Variants in CCDC171 observed in about 807,000 individuals in gnomAD.
CCDC171 encodes the protein coiled-coil domain containing 171.
A neutral mutation model predicts 168.2 loss-of-function variants in CCDC171; 177 were observed. That is an observed-to-expected ratio of 1.05 (90% CI 0.93 to 1.19). CCDC171 has a LOEUF of 1.19. Ranked by LOEUF, CCDC171 falls within the 50% of genes most tolerant of loss-of-function variation. CCDC171 has a pLI of 0.00. For missense variants in CCDC171, 1,991 were observed against 1,539.0 expected (o/e 1.29, Z -4.91); for synonymous variants, 687 against 540.8 (o/e 1.27, Z -3.75).
chr9:16,005,517 T>C (rs1401726790), intron 3 of CCDC171, among the ~76,000 whole-genome samples: 1 of 152,228 alleles, frequency 6.6e-6, no homozygotes, highest in Non-Finnish European at 1.5e-5. Flanking sequence ...TGACCCTTTG[T>C]ATCTGCAGGT....
chr9:15,907,076 A>G (rs1822774321), intron 24 of CCDC171, among the ~76,000 whole-genome samples: 1 of 152,204 alleles, frequency 6.6e-6, no homozygotes, highest in Admixed American at 6.5e-5. Context: ...AAATGGCCAT[A>G]CTTTCCAAGG....
chr9:16,073,405 G>T, the CCDC171 span, among the ~76,000 whole-genome samples: 3 of 152,166 alleles, frequency 2.0e-5, no homozygotes, highest in Non-Finnish European at 1.5e-5. Flanking sequence ...TTTGCTGAAA[G>T]TTCTTTTTAC....
chr9:15,703,624 A>C (rs971423585), intron 11 of CCDC171, among the ~76,000 whole-genome samples: 36 of 152,236 alleles, frequency 2.4e-4, no homozygotes, highest in Admixed American at 2.4e-3. Context: ...TTCAATGTGT[A>C]TATATCCCAC....
At chr9:16,038,886 C>T (rs931171326), upstream of CCDC171, among the ~76,000 whole-genome samples, 2 of 96,090 alleles carry the variant, frequency 2.1e-5, no homozygotes, top group African/African-American at 6.6e-5. Flanking sequence ...AAAAAAAAAG[C>T]TGAATATAGT....
chr9:15,846,887 A>C (rs1164328058), intron 22 of CCDC171, 40 bp downstream of exon 22: 9 of 1,553,374 alleles, frequency 5.8e-6, no homozygotes, highest in Non-Finnish European at 7.0e-6. Context: ...TAAAACAGAC[A>C]AAAGATCAAT....
chr9:15,767,025 A>C (rs907385440), intron 18 of CCDC171, among the ~76,000 whole-genome samples: 1 of 152,208 alleles, frequency 6.6e-6, no homozygotes, highest in Admixed American at 6.5e-5. Flanking sequence ...AATTTACAGC[A>C]TACCAGGAAT....
intron 25 of CCDC171, among the ~76,000 whole-genome samples, chr9:15,942,696 T>C (rs1827867081): frequency 6.6e-6 from 1 of 151,896 alleles, no homozygotes; most frequent in South Asian, 2.1e-4. Context: ...CTTTGGGATA[T>C]GTTTTTGAGT....
chr9:15,619,451 C>G (rs2044341329), intron 6 of CCDC171, among the ~76,000 whole-genome samples: 1 of 152,154 alleles, frequency 6.6e-6, no homozygotes, highest in African/African-American at 2.4e-5. Context: ...ATAGATCAAA[C>G]CAGCCACAGC....
At position 15,623,128 on chromosome 9, in the gene CCDC171, A is replaced by G. The variant is rs553297107; in HGVS notation, c.676-139A>G. On this transcript the variant is annotated intron_variant, in intron 6 of 25. Coordinates refer to ENST00000380701, the MANE Select transcript of CCDC171 (RefSeq NM_173550.4). The stretch of plus-strand genomic sequence containing the variant: ...TCTGAAACATTGATGGAAAATATCT[A>G]GGCCTCTTTTGCCTATATAAATTAA... 4.7e-5 allele frequency: 23 copies of G among 485,498 alleles called. No homozygotes were observed. In the South Asian group the frequency reaches 1.4e-3, roughly 31 times the overall value. The allele number at this position is 485,498 out of a possible 1,614,324, so 30.1% of individuals were successfully genotyped here. A position where few individuals can be genotyped will look rare whatever the true frequency, so the allele number is the denominator to read the frequency against.
At chr9:15,717,099 G>A (rs953101335) in intron 11 of CCDC171, among the ~76,000 whole-genome samples, 1 of 152,196 alleles carries the variant, frequency 6.6e-6, no homozygotes, top group Non-Finnish European at 1.5e-5. Flanking sequence ...AGGGTTGAAA[G>A]ACAGTCTTGA....
At chr9:15,601,151 C>G (rs760275716) in intron 6 of CCDC171, among the ~76,000 whole-genome samples, 4 of 152,186 alleles carry the variant, frequency 2.6e-5, no homozygotes, top group African/African-American at 9.6e-5. Context: ...CCTGCACCCA[C>G]TCTCTGACAA....
At chr9:15,723,791 AT>A (rs761981889) in intron 13 of CCDC171, 45 bp downstream of exon 13, 33 of 920,672 alleles carry the variant, frequency 3.6e-5, no homozygotes, top group African/African-American at 5.2e-5. Flanking sequence ...AGAAACAAAT[AT>A]AGTTATCTAG....
At chr9:15,802,447 T>A (rs2058870945) in intron 21 of CCDC171, among the ~76,000 whole-genome samples, 1 of 152,044 alleles carries the variant, frequency 6.6e-6, no homozygotes, top group Admixed American at 6.6e-5. Context: ...TGTGTATTGT[T>A]CCCCACTGTG....
chr9:15,721,939 G>C, intron 12 of CCDC171, 64 bp downstream of exon 12: 1 of 734,064 alleles, frequency 1.4e-6, no homozygotes, highest in Non-Finnish European at 2.0e-6. Context: ...CGTATTCCTT[G>C]CTTGTTACAA....
intron 7 of CCDC171, 56 bp downstream of exon 7, chr9:15,623,469 G>GCA (rs1554714819): frequency 3.0e-5 from 16 of 529,910 alleles, no homozygotes; most frequent in South Asian, 1.1e-4. Flanking sequence ...ACATATGCGC[G>GCA]CGCGCGCACA....
intron 1 of CCDC171, among the ~76,000 whole-genome samples, chr9:16,053,876 C>T (rs1465994054): frequency 1.3e-5 from 2 of 152,234 alleles, no homozygotes; most frequent in African/African-American, 2.4e-5. Flanking sequence ...ATCTGAACAT[C>T]TCTTCTCATG....
At chr9:15,675,187 G>GTTTTTTTTTTTTTTTTTTTTTT (rs138989790) in intron 9 of CCDC171, among the ~76,000 whole-genome samples, 2 of 75,528 alleles carry the variant, frequency 2.6e-5, no homozygotes, top group Admixed American at 2.0e-4. Flanking sequence ...TGCAACTCCT[G>GTTTTTTTTTTTTTTTTTTTTTT]TTTTTTTTTT....
chr9:15,836,322 C>T lies in CCDC171; in HGVS notation c.3268-10380C>T, dbSNP rs558286053. ...CCATGATTGAGGCTGATAGAGTGTT[C>T]TTTATCTGGAACGCTGTTGGTCTTG... On this transcript the variant is annotated intron_variant, in intron 21 of 25. Transcript: ENST00000380701. Among the ~76,000 whole-genome samples, 7 of 152,182 alleles carry T rather than the reference C, an allele frequency of 4.6e-5. No homozygotes were observed. The East Asian group carries it at 1.4e-3, about 29-fold the overall frequency.
At chr9:15,801,661 C>T (rs1588586478) in intron 21 of CCDC171, among the ~76,000 whole-genome samples, 1 of 152,072 alleles carries the variant, frequency 6.6e-6, no homozygotes, top group Admixed American at 6.6e-5. Context: ...TGTCATGTAA[C>T]AGTGGTGAAA....
Sources: gnomAD v4.1 joint callset for allele counts (sites outside exome capture counted in the v4.1 genomes callset) on GRCh38, gnomAD v4.1.1 for gene constraint, MANE v1.5 for transcripts, NCBI Gene and HGNC (gene_info 2026-07-23, HGNC 2026-07-21) for gene names.